Variants in SNTG2 observed in about 807,000 individuals in gnomAD.
SNTG2 encodes the protein syntrophin gamma 2.
A neutral mutation model predicts 70.9 loss-of-function variants in SNTG2; 74 were observed. The observed-to-expected ratio is 1.04, with a 90% CI of 0.86 to 1.27. The LOEUF is 1.27. Ranked by LOEUF, SNTG2 falls within the 50% of genes most tolerant of loss-of-function variation. The probability of loss-of-function intolerance (pLI) is 0.00; values close to 1 mark genes in which losing one functional copy is unlikely to be tolerated. For synonymous variants in SNTG2, 278 were observed against 273.8 expected, an observed-to-expected ratio of 1.02 and a Z score of -0.15; for missense variants, 717 against 690.7, an observed-to-expected ratio of 1.04 and a Z score of -0.43.
intron 7 of SNTG2, among the ~76,000 whole-genome samples, chr2:1,171,569 C>G (rs1330576616): frequency 6.6e-6 from 1 of 152,188 alleles, no homozygotes; most frequent in Non-Finnish European, 1.5e-5. Context: ...GTGAAACGCT[C>G]TGGGTGCTGT....
At chr2:1,259,703 C>T (rs752171308) in intron 13 of SNTG2, among the ~76,000 whole-genome samples, 4 of 152,274 alleles carry the variant, frequency 2.6e-5, no homozygotes, top group East Asian at 1.9e-4. Context: ...GTGTGTTTTA[C>T]GGGAGAGATG....
chr2:1,215,567 T>A (rs1215868400), intron 9 of SNTG2, among the ~76,000 whole-genome samples: 7 of 152,102 alleles, frequency 4.6e-5, no homozygotes, highest in Non-Finnish European at 7.3e-5. Flanking sequence ...TTCTTTTTTT[T>A]ATTATACTTT....
rs530619126 is a variant in SNTG2 at position 1,015,435 on chromosome 2, G to A, written c.72+64367G>A. Reference sequence around the variant, plus strand: ...CTGACAGAATACAAGCTGGAAGGACGTGTGTTCTATTTATGTGACTTACAA... The same window carrying A: ...CTGACAGAATACAAGCTGGAAGGACATGTGTTCTATTTATGTGACTTACAA... On this transcript the variant is annotated intron_variant, in intron 1 of 16. Coordinates refer to ENST00000308624, the MANE Select transcript of SNTG2 (RefSeq NM_018968.4). Among the ~76,000 whole-genome samples, 4 of 152,294 alleles carry A rather than the reference G, an allele frequency of 2.6e-5. No individual in the cohort carries two copies. In the East Asian group the frequency reaches 5.8e-4, roughly 22 times the overall value.
chr2:1,154,993 T>TAC (rs956209946), intron 6 of SNTG2, among the ~76,000 whole-genome samples: 3 of 88,672 alleles, frequency 3.4e-5, no homozygotes, highest in African/African-American at 9.4e-5. Context: ...ACCACACATA[T>TAC]ACACACACAC....
At chr2:1,362,838 C>T (rs1313986650) in intron 16 of SNTG2, among the ~76,000 whole-genome samples, 1 of 152,088 alleles carries the variant, frequency 6.6e-6, no homozygotes, top group African/African-American at 2.4e-5. Context: ...AGTAGAACTT[C>T]CATGGAAGTT....
At chr2:1,160,605 C>G (rs549954500) in intron 6 of SNTG2, 1 of 152,170 alleles carries the variant, frequency 6.6e-6, no homozygotes, top group African/African-American at 2.4e-5. Context: ...CTTTGTGTCC[C>G]CCCAGATTCA....
chr2:1,100,438 C>T (rs560409763), intron 4 of SNTG2, among the ~76,000 whole-genome samples: 3 of 152,328 alleles, frequency 2.0e-5, no homozygotes, highest in South Asian at 4.1e-4. Context: ...AGCCACCGCA[C>T]CCAGCCTCTT....
intron 4 of SNTG2, among the ~76,000 whole-genome samples, chr2:1,103,610 G>A (rs1423609854): frequency 1.3e-5 from 2 of 152,032 alleles, no homozygotes; most frequent in Non-Finnish European, 2.9e-5. Flanking sequence ...GGATCATCTC[G>A]ATCCCTTGAC....
chr2:1,014,904 TGAG>T (rs1296879419), intron 1 of SNTG2, among the ~76,000 whole-genome samples: 2 of 150,928 alleles, frequency 1.3e-5, no homozygotes, highest in Non-Finnish European at 3.0e-5. Flanking sequence ...GGGTGGGAGT[TGAG>T]GAGATGGAGA....
At chr2:1,073,464 A>G (rs1370740143) in intron 1 of SNTG2, among the ~76,000 whole-genome samples, 3 of 152,348 alleles carry the variant, frequency 2.0e-5, no homozygotes, top group South Asian at 2.1e-4. Flanking sequence ...TAATTAAGGT[A>G]TATACATTGT....
chr2:988,391 T>C (rs982451544), intron 1 of SNTG2, among the ~76,000 whole-genome samples: 2 of 152,236 alleles, frequency 1.3e-5, no homozygotes, highest in African/African-American at 4.8e-5. Context: ...TTGTTGTGCC[T>C]TTTCCAGATG....
intron 4 of SNTG2, among the ~76,000 whole-genome samples, chr2:1,115,850 C>G (rs1356623676): frequency 2.0e-5 from 3 of 152,196 alleles, no homozygotes; most frequent in Non-Finnish European, 4.4e-5. Flanking sequence ...TTGGGGAAGT[C>G]TAGGAATTTT....
intron 4 of SNTG2, 143 bp from the exon 5 acceptor site, chr2:1,137,475 AACAC>A (rs201056931): frequency 1.0e-5 from 8 of 792,130 alleles, no homozygotes; most frequent in Admixed American, 2.7e-5. Context: ...TGCACACACA[AACAC>A]ACATCTGCTC....
intron 8 of SNTG2, among the ~76,000 whole-genome samples, chr2:1,196,899 G>T (rs1177131407): frequency 1.3e-5 from 2 of 152,112 alleles, no homozygotes; most frequent in African/African-American, 2.4e-5. Context: ...ACCTGGAAGT[G>T]AAAGGACCAC....
At chr2:1,122,547 AGTTC>A (rs202074976) in intron 4 of SNTG2, among the ~76,000 whole-genome samples, 1,607 of 152,288 alleles carry the variant, frequency 0.011, 43 homozygotes, top group African/African-American at 0.037. Context: ...AAATCTCACC[AGTTC>A]AGGTATAGAC....
chr2:1,328,834 CACAT>C (rs1352003136), intron 16 of SNTG2, among the ~76,000 whole-genome samples: 2 of 151,714 alleles, frequency 1.3e-5, no homozygotes, highest in African/African-American at 2.4e-5. Context: ...CACATATACA[CACAT>C]ACACATACAC....
At chr2:1,060,644 G>A (rs570735845) in intron 1 of SNTG2, among the ~76,000 whole-genome samples, 3 of 152,206 alleles carry the variant, frequency 2.0e-5, no homozygotes, top group East Asian at 1.9e-4. Flanking sequence ...GCCAAGCCTC[G>A]AATAATTCAA....
intron 9 of SNTG2, among the ~76,000 whole-genome samples, chr2:1,235,446 G>A (rs1268514560): frequency 1.6e-4 from 9 of 57,360 alleles, no homozygotes; most frequent in Non-Finnish European, 2.7e-4. Context: ...GAGAGGGGGC[G>A]CCCCTACCCC....
chr2:1,033,069 C>G (rs1339746313), intron 1 of SNTG2, among the ~76,000 whole-genome samples: 2 of 152,256 alleles, frequency 1.3e-5, no homozygotes, highest in East Asian at 3.9e-4. Flanking sequence ...CTCACTATTG[C>G]AAGAACAGCA....
Sources: gnomAD v4.1 joint callset for allele counts (sites outside exome capture counted in the v4.1 genomes callset) on GRCh38, gnomAD v4.1.1 for gene constraint, MANE v1.5 for transcripts, NCBI Gene and HGNC (gene_info 2026-07-23, HGNC 2026-07-21) for gene names.